ZMIZ1: variants seen among roughly 807,000 people sequenced by gnomAD.
ZMIZ1 encodes zinc finger MIZ domain-containing protein 1.
Under a neutral mutation model 113.9 loss-of-function variants are expected in ZMIZ1, and 17 were observed. That is an observed-to-expected ratio of 0.15 (90% confidence interval 0.10 to 0.22). The LOEUF is 0.22. Ranked by LOEUF, ZMIZ1 falls within the 10% of genes least tolerant of loss-of-function variation. The pLI is 1.00. For synonymous variants in ZMIZ1, 607 were observed against 603.1 expected, an observed-to-expected ratio of 1.01 and a Z score of -0.09; for missense variants, 1,059 against 1,477.8, an observed-to-expected ratio of 0.72 and a Z score of 4.65.
At chr10:79,270,502 T>C (rs182115852) in intron 7 of ZMIZ1, among the ~76,000 whole-genome samples, 94 of 152,302 alleles carry the variant, frequency 6.2e-4, no homozygotes, top group Non-Finnish European at 1.0e-4. Flanking sequence ...ACACCACTAT[T>C]TCACATGCCA....
intron 3 of ZMIZ1, among the ~76,000 whole-genome samples, chr10:79,156,343 T>C (rs1209711609): frequency 1.3e-5 from 2 of 152,140 alleles, no homozygotes; most frequent in Non-Finnish European, 2.9e-5. Flanking sequence ...TTGCGTGGCA[T>C]GTCCTCTGGC....
chr10:79,188,485 G>T (rs911697638), intron 4 of ZMIZ1, among the ~76,000 whole-genome samples: 6 of 152,234 alleles, frequency 3.9e-5, no homozygotes, highest in African/African-American at 1.4e-4. Flanking sequence ...TGGCTTTCAT[G>T]AAGCTGGACA....
chr10:79,073,005 G>A (rs1474233666), intron 1 of ZMIZ1, among the ~76,000 whole-genome samples: 1 of 152,238 alleles, frequency 6.6e-6, no homozygotes, highest in African/African-American at 2.4e-5. Flanking sequence ...CCTTTAGAGA[G>A]GATGAAGGGA....
At chr10:79,233,810 A>G (rs935763033) in intron 7 of ZMIZ1, among the ~76,000 whole-genome samples, 16 of 152,036 alleles carry the variant, frequency 1.1e-4, no homozygotes, top group African/African-American at 3.9e-4. Flanking sequence ...TCCCTCTGCC[A>G]CCCCTGGATT....
intron 1 of ZMIZ1, among the ~76,000 whole-genome samples, chr10:79,070,819 T>C (rs1191517086): frequency 1.3e-5 from 2 of 151,908 alleles, no homozygotes; most frequent in Non-Finnish European, 2.9e-5. Flanking sequence ...TAACTGGGGC[T>C]TTGAGCCTGC....
chr10:79,080,058 G>A (rs1278984154), intron 1 of ZMIZ1, among the ~76,000 whole-genome samples: 1 of 152,186 alleles, frequency 6.6e-6, no homozygotes, highest in Non-Finnish European at 1.5e-5. Context: ...GGCAGCCTGG[G>A]GCCTCCAGAG....
intron 4 of ZMIZ1, among the ~76,000 whole-genome samples, chr10:79,162,409 C>T (rs703995): frequency 1 from 152,334 of 152,334 alleles, 76,167 homozygotes; most frequent in Non-Finnish European, 1. Flanking sequence ...CAGGTCTGGC[C>T]ACCTGGTCTT....
At chr10:79,308,029 AT>A (rs1383768830) in intron 23 of ZMIZ1, among the ~76,000 whole-genome samples, 109 of 152,344 alleles carry the variant, frequency 7.2e-4, no homozygotes, top group African/African-American at 2.5e-3. Flanking sequence ...AGGAAGTCTG[AT>A]TATCTGAAGA....
chr10:79,163,912 G>A (rs1846212538), intron 4 of ZMIZ1, among the ~76,000 whole-genome samples: 2 of 152,230 alleles, frequency 1.3e-5, no homozygotes, highest in Admixed American at 1.3e-4. Context: ...CTTCACGGTG[G>A]GTTCTCTTTT....
chr10:79,169,664 G>C lies in ZMIZ1; in HGVS notation c.-50+7531G>C, dbSNP rs1000510437. 2.0e-5 allele frequency among the ~76,000 whole-genome samples: 3 copies of C among 152,222 alleles called. 1 individual carries two copies. The highest frequency in any genetic ancestry group is 2.0e-4 in the Admixed American group (3 of 15,292). ...AGTGTGGCGTGTGGTCAAAGTGTGT[G>C]GGTTTCAGGGACAGACAGTCCTGGG... On this transcript the variant is annotated intron_variant, in intron 4 of 24. Coordinates refer to ENST00000334512, the MANE Select transcript of ZMIZ1 (RefSeq NM_020338.4).
intron 3 of ZMIZ1, among the ~76,000 whole-genome samples, chr10:79,143,047 A>G (rs1028264573): frequency 6.6e-6 from 1 of 152,020 alleles, no homozygotes; most frequent in Non-Finnish European, 1.5e-5. Context: ...GTGTCACTTC[A>G]TTCTTTCTCC....
In ZMIZ1 at chr10:79,143,997, A is replaced by C. The variant is rs143476296; in HGVS notation, c.-131+4220A>C. Among the ~76,000 whole-genome samples the C allele has an allele frequency of 3.8e-3, 577 of 152,160 alleles. 6 individuals are homozygous for C. Among genetic ancestry groups the C allele is most frequent in the South Asian group, 0.015 (73 of 4,818 alleles). ...AAAGTCAGGGGGAGATGCCCCTCCA[A>C]CTCTGCATCGGGGACTAGGGCAGCA... is the stretch of plus-strand genomic sequence containing the variant. On this transcript the variant is annotated intron_variant, in intron 3 of 24. Transcript: ENST00000334512.
intron 7 of ZMIZ1, chr10:79,243,719 G>A (rs757044986): frequency 3.4e-6 from 1 of 292,050 alleles, no homozygotes; most frequent in South Asian, 2.5e-5. Context: ...GGGCGGGATC[G>A]CGACCGGTGC....
intron 16 of ZMIZ1, among the ~76,000 whole-genome samples, chr10:79,299,875 A>C (rs1175515085): frequency 6.6e-6 from 1 of 152,114 alleles, no homozygotes; most frequent in African/African-American, 2.4e-5. Flanking sequence ...GCCAGAACCA[A>C]CCCTGGGGGT....
chr10:79,305,105 C>G, intron 19 of ZMIZ1, 59 bp from the exon 20 acceptor site: 1 of 1,592,514 alleles, frequency 6.3e-7, no homozygotes, highest in East Asian at 2.2e-5. Flanking sequence ...GTCCCTGAGG[C>G]ACATCTAGGC....
chr10:79,305,967 T>G, intron 21 of ZMIZ1, 133 bp from the exon 22 acceptor site: 2 of 1,381,876 alleles, frequency 1.4e-6, no homozygotes, highest in Non-Finnish European at 1.9e-6. Context: ...GGCTTCCGCC[T>G]CGTCCACAGT....
chr10:79,134,175 A>G (rs889103521), intron 2 of ZMIZ1, among the ~76,000 whole-genome samples: 7 of 152,190 alleles, frequency 4.6e-5, no homozygotes, highest in African/African-American at 1.7e-4. Flanking sequence ...CGGGGTCACC[A>G]GGAGCACCAG....
At chr10:79,116,187 G>T (rs1307847975) in intron 1 of ZMIZ1, among the ~76,000 whole-genome samples, 3 of 152,036 alleles carry the variant, frequency 2.0e-5, no homozygotes, top group East Asian at 1.9e-4. Context: ...GGAGAGAATT[G>T]CCCTGTTGGG....
chr10:79,265,460 T>C (rs962169394), intron 7 of ZMIZ1, among the ~76,000 whole-genome samples: 1 of 144,540 alleles, frequency 6.9e-6, no homozygotes, highest in Non-Finnish European at 1.5e-5. Context: ...ACTCCTTTTT[T>C]TTCTTTTCTT....
Sources: gnomAD v4.1 joint callset for allele counts (sites outside exome capture counted in the v4.1 genomes callset) on GRCh38, gnomAD v4.1.1 for gene constraint, MANE v1.5 for transcripts, NCBI Gene and HGNC (gene_info 2026-07-23, HGNC 2026-07-21) for gene names.